Variants in ROCK1 observed in about 807,000 individuals in gnomAD.
ROCK1 encodes Rho associated coiled-coil containing protein kinase 1, also known as rho-associated protein kinase 1.
ROCK1 carries 36 observed loss-of-function variants against 196.8 expected under a neutral mutation model. The observed-to-expected ratio is 0.18, with a 90% CI of 0.14 to 0.24. The LOEUF (loss-of-function observed/expected upper bound fraction) is 0.24, where lower values mean the gene tolerates loss of function less well. Ranked by LOEUF, ROCK1 falls within the 10% of genes least tolerant of loss-of-function variation. The pLI, the probability that ROCK1 is intolerant of heterozygous loss-of-function variation, is 1.00. For missense variants in ROCK1, 920 were observed against 1,562.0 expected (o/e 0.59, Z 6.93); for synonymous variants, 443 against 515.9 (o/e 0.86, Z 1.91).
rs144599219 is a variant in ROCK1 at position 20,991,671 on chromosome 18, G to A, written c.1993-345C>T. Among the ~76,000 whole-genome samples, 631 of 150,672 alleles carry A rather than the reference G, an allele frequency of 4.2e-3. 3 individuals are homozygous for A. The highest frequency in any genetic ancestry group is 0.014 in the African/African-American group (584 of 40,986). ...TTTTAAAGAGATGAGGTCTCACTCT[G>A]TCACCCAGGCTGGAGTGCAGTGGCA... On this transcript the variant is annotated intron_variant, in intron 17 of 32. Coordinates refer to ENST00000399799, the MANE Select transcript of ROCK1 (RefSeq NM_005406.3).
At chr18:20,981,173 T>C (rs1303816036) in intron 21 of ROCK1, among the ~76,000 whole-genome samples, 1 of 151,918 alleles carries the variant, frequency 6.6e-6, no homozygotes, top group Non-Finnish European at 1.5e-5. Flanking sequence ...GGCGGGCAGA[T>C]CATGGGGTCA....
intron 21 of ROCK1, among the ~76,000 whole-genome samples, chr18:20,980,536 T>C (rs1213420248): frequency 3.3e-5 from 5 of 152,294 alleles, no homozygotes; most frequent in Admixed American, 6.5e-5. Flanking sequence ...ATGTTCCACA[T>C]GTTGACTGTG....
At chr18:21,074,025 C>T (rs567796721) in intron 1 of ROCK1, among the ~76,000 whole-genome samples, 7 of 152,024 alleles carry the variant, frequency 4.6e-5, no homozygotes, top group Non-Finnish European at 1.0e-4. Flanking sequence ...GGGCGTGGTG[C>T]CGCATGCTTG....
At chr18:21,036,341 T>C (rs1428025666) in intron 9 of ROCK1, among the ~76,000 whole-genome samples, 5 of 152,218 alleles carry the variant, frequency 3.3e-5, no homozygotes, top group Non-Finnish European at 7.3e-5. Flanking sequence ...ATCTTGTGTG[T>C]TGCCCACAAA....
At chr18:21,012,771 A>G (rs938199713) in intron 13 of ROCK1, among the ~76,000 whole-genome samples, 1 of 152,010 alleles carries the variant, frequency 6.6e-6, no homozygotes, top group Admixed American at 6.5e-5. Context: ...CAAATGTTAG[A>G]ATTTTATTGT....
chr18:21,015,693 TG>T (rs1258021604), intron 12 of ROCK1, among the ~76,000 whole-genome samples: 1 of 151,980 alleles, frequency 6.6e-6, no homozygotes, highest in African/African-American at 2.4e-5. Context: ...ACAATTAGGC[TG>T]GGTACAGTGG....
At chr18:21,086,154 CA>C (rs1301845332) in intron 1 of ROCK1, among the ~76,000 whole-genome samples, 32 of 148,694 alleles carry the variant, frequency 2.2e-4, no homozygotes, top group African/African-American at 7.7e-4. Context: ...CTCTGTCGCC[CA>C]GGCTGGAGTG....
chr18:21,064,958 A>T lies in ROCK1; in HGVS notation c.175+5574T>A, dbSNP rs577506091. ...AAGGGATATTTGGCAATGTCTAGAAATATTTCTGGTGATCACAACTGGGGA... is the reference window on the plus strand; with the variant it reads ...AAGGGATATTTGGCAATGTCTAGAATTATTTCTGGTGATCACAACTGGGGA... On this transcript the variant is annotated intron_variant, in intron 2 of 32. Transcript: ENST00000399799. Among the ~76,000 whole-genome samples, 71 of 152,338 alleles carry T rather than the reference A, an allele frequency of 4.7e-4. 1 individual carries two copies. The South Asian group carries it at 9.7e-3, about 21-fold the overall frequency.
At chr18:21,070,394 C>G in intron 2 of ROCK1, 138 bp downstream of exon 2, 3 of 530,136 alleles carry the variant, frequency 5.7e-6, no homozygotes, top group Non-Finnish European at 1.0e-5. Flanking sequence ...TTCTTTCACA[C>G]TTCCTACTAA....
intron 12 of ROCK1, 71 bp downstream of exon 12, chr18:21,020,080 G>T: frequency 1.2e-6 from 1 of 832,982 alleles, no homozygotes; most frequent in South Asian, 1.6e-5. Flanking sequence ...GATGTTTACA[G>T]GGTATAAGCT....
chr18:21,036,211 G>A (rs770172325), intron 9 of ROCK1, among the ~76,000 whole-genome samples: 4 of 152,118 alleles, frequency 2.6e-5, no homozygotes, highest in South Asian at 2.1e-4. Flanking sequence ...AATCTCTCCC[G>A]TGAGAATGTA....
At chr18:21,012,399 T>C (rs563167090) in intron 13 of ROCK1, among the ~76,000 whole-genome samples, 1 of 152,350 alleles carries the variant, frequency 6.6e-6, no homozygotes, top group South Asian at 2.1e-4. Flanking sequence ...GATGTTTTAA[T>C]TGAACACAGA....
intron 9 of ROCK1, among the ~76,000 whole-genome samples, chr18:21,033,854 TAAAAAAAAAAAAAAA>T (rs71269004): frequency 7.2e-4 from 24 of 33,466 alleles, no homozygotes; most frequent in African/African-American, 1.8e-3. Context: ...CCGTTTCTAC[TAAAAAAAAAAAAAAA>T]AAAAAAAAAA....
At chr18:21,017,340 C>T (rs909743768) in intron 12 of ROCK1, among the ~76,000 whole-genome samples, 3 of 151,610 alleles carry the variant, frequency 2.0e-5, no homozygotes, top group Non-Finnish European at 4.4e-5. Flanking sequence ...TACAGGCGCC[C>T]GCCACCGCGC....
chr18:20,964,197 A>G (rs2035352350), intron 27 of ROCK1, among the ~76,000 whole-genome samples: 1 of 152,158 alleles, frequency 6.6e-6, no homozygotes, highest in Non-Finnish European at 1.5e-5. Flanking sequence ...AGTAAACTTA[A>G]TCTATTCAAA....
chr18:20,952,383 A>G (rs1235856288), intron 32 of ROCK1, among the ~76,000 whole-genome samples: 3 of 147,466 alleles, frequency 2.0e-5, no homozygotes, highest in South Asian at 2.2e-4. Flanking sequence ...CTCTGTCTCA[A>G]AATGAATGAA....
At chr18:21,076,678 CA>C in intron 1 of ROCK1, among the ~76,000 whole-genome samples, 1 of 147,856 alleles carries the variant, frequency 6.8e-6, no homozygotes, top group Non-Finnish European at 1.5e-5. Flanking sequence ...TACATACACA[CA>C]CACACACACA....
chr18:20,947,459 T>C lies in ROCK1; in HGVS notation c.*3925A>G, dbSNP rs1436813842. 1 of 152,124 alleles carries C rather than the reference T, an allele frequency of 6.6e-6. No homozygotes were observed. The highest frequency in any genetic ancestry group is 1.5e-5 in the Non-Finnish European group (1 of 68,040). 9.4% of individuals were successfully genotyped at this position (152,124 alleles called of 1,614,324 possible). A position where few individuals can be genotyped will look rare whatever the true frequency, so the allele number is the denominator to read the frequency against. On this transcript the variant is annotated 3_prime_UTR_variant, in exon 33 of 33. Transcript: ENST00000399799. Reference sequence around the variant, plus strand: ...GTAAATATATCTAGGCCATTGAGCATGGCTTTATATATACATACTATCCAA... The same window carrying C: ...GTAAATATATCTAGGCCATTGAGCACGGCTTTATATATACATACTATCCAA...
intron 1 of ROCK1, among the ~76,000 whole-genome samples, chr18:21,097,764 G>A (rs776840795): frequency 1.2e-4 from 18 of 152,182 alleles, no homozygotes; most frequent in Non-Finnish European, 1.9e-4. Flanking sequence ...GCATTACCAC[G>A]TTTAATACTC....
Sources: allele counts gnomAD v4.1 joint callset (sites outside exome capture counted in the v4.1 genomes callset), GRCh38; gene constraint gnomAD v4.1.1; transcripts MANE v1.5; gene names NCBI Gene and HGNC (gene_info 2026-07-23, HGNC 2026-07-21).